LOXHD1: variants seen among roughly 807,000 people sequenced by gnomAD.
LOXHD1 encodes lipoxygenase homology domain-containing protein 1.
In LOXHD1, 205 loss-of-function variants were observed where a neutral mutation model predicts 248.2. The observed-to-expected ratio is 0.83, with a 90% CI of 0.74 to 0.93. The LOEUF (loss-of-function observed/expected upper bound fraction) is 0.93. Ranked by LOEUF, LOXHD1 falls within the 40% of genes least tolerant of loss-of-function variation. LOXHD1 has a pLI of 0.00. For synonymous variants in LOXHD1, 1,113 were observed against 1,162.8 expected (o/e 0.96, Z 0.87); for missense variants, 2,930 against 2,971.6 (o/e 0.99, Z 0.33).
chr18:46,657,171 C>T lies in LOXHD1; in HGVS notation c.-138G>A. The T allele has an allele frequency of 3.6e-6, 5 of 1,407,066 alleles. No individual in the cohort carries two copies. The highest frequency in any genetic ancestry group is 4.8e-6 in the Non-Finnish European group (5 of 1,048,546). The allele number at this position is 1,407,066 out of a possible 1,614,324, so 87.2% of individuals were successfully genotyped here. On this transcript the variant is annotated 5_prime_UTR_variant, in exon 1 of 41. Coordinates refer to ENST00000642948, the MANE Select transcript of LOXHD1 (RefSeq NM_001384474.1). Reference sequence around the variant, plus strand: ...CAGGCCTGGGTGGGCCAGAGTGCCCCGTTTTCTTGGCTTCCCCGTGCCCAA... The same window carrying T: ...CAGGCCTGGGTGGGCCAGAGTGCCCTGTTTTCTTGGCTTCCCCGTGCCCAA...
chr18:46,653,908 A>G (rs2039144716), intron 1 of LOXHD1, among the ~76,000 whole-genome samples: 1 of 152,248 alleles, frequency 6.6e-6, no homozygotes, highest in Non-Finnish European at 1.5e-5. Flanking sequence ...TTTACCTTAT[A>G]GGCATTCTTC....
At chr18:46,624,549 A>C (rs1297091855) in intron 4 of LOXHD1, among the ~76,000 whole-genome samples, 1 of 152,128 alleles carries the variant, frequency 6.6e-6, no homozygotes, top group Non-Finnish European at 1.5e-5. Context: ...TGCTACCCCC[A>C]AAAGGTTTCC....
At chr18:46,492,211 T>C (rs895681877) in intron 37 of LOXHD1, among the ~76,000 whole-genome samples, 15 of 152,250 alleles carry the variant, frequency 9.9e-5, no homozygotes, top group African/African-American at 3.6e-4. Context: ...AGGTACAGCA[T>C]GGCTAACTGA....
At chr18:46,617,421 C>T (rs923487790) in intron 5 of LOXHD1, among the ~76,000 whole-genome samples, 7 of 152,218 alleles carry the variant, frequency 4.6e-5, no homozygotes, top group African/African-American at 1.7e-4. Context: ...GAAAGCTCAT[C>T]CCCTAGATTG....
At chr18:46,481,598 G>A (rs183710787) in intron 40 of LOXHD1, among the ~76,000 whole-genome samples, 294 of 152,316 alleles carry the variant, frequency 1.9e-3, no homozygotes, top group Non-Finnish European at 3.0e-3. Context: ...AGGTGACAGC[G>A]CTAGTATCCA....
chr18:46,486,021 C>T (rs2033021977), intron 38 of LOXHD1, among the ~76,000 whole-genome samples: 1 of 152,058 alleles, frequency 6.6e-6, no homozygotes, highest in Admixed American at 6.5e-5. Context: ...ACCTCCTTCT[C>T]ATCCTTACTC....
chr18:46,502,044 G>T (rs2034264288), intron 37 of LOXHD1, among the ~76,000 whole-genome samples: 1 of 152,102 alleles, frequency 6.6e-6, no homozygotes, highest in Admixed American at 6.5e-5. Flanking sequence ...TTTAAGCAAG[G>T]GATTCTAGAA....
chr18:46,650,781 C>A (rs1342436701), intron 1 of LOXHD1, among the ~76,000 whole-genome samples: 1 of 152,194 alleles, frequency 6.6e-6, no homozygotes, highest in Non-Finnish European at 1.5e-5. Flanking sequence ...TTACAGATAT[C>A]ATTCATACTT....
intron 15 of LOXHD1, among the ~76,000 whole-genome samples, chr18:46,570,607 G>A (rs894201550): frequency 2.0e-5 from 3 of 152,196 alleles, no homozygotes; most frequent in Admixed American, 2.0e-4. Context: ...GCAGAGACTG[G>A]GAAGGAGACC....
rs1436234489 is a variant in LOXHD1, at chr18:46,563,027, G to T, written c.2598+38C>A. On this transcript the variant is annotated intron_variant, in intron 18 of 40. Transcript: ENST00000642948. ...AGGGAAGCATCTTGGTGTCCACTGA[G>T]CCTGCTGTTGGCACCCCCGCTCCTC... 8 of 1,519,216 alleles carry T rather than the reference G, an allele frequency of 5.3e-6. No homozygotes were observed. The East Asian group carries it at 2.0e-4, about 38-fold the overall frequency. 94.1% of individuals were successfully genotyped at this position (1,519,216 alleles called of 1,614,324 possible). A position where few individuals can be genotyped will look rare whatever the true frequency, so the allele number is the denominator to read the frequency against.
At chr18:46,601,124 C>T (rs2038330221) in intron 8 of LOXHD1, 93 bp downstream of exon 8, 1 of 1,453,072 alleles carries the variant, frequency 6.9e-7, no homozygotes, top group East Asian at 2.5e-5. Flanking sequence ...GTAACTAGTT[C>T]AGAGAAGTAG....
intron 5 of LOXHD1, among the ~76,000 whole-genome samples, chr18:46,613,190 T>C (rs536186968): frequency 6.6e-6 from 1 of 152,138 alleles, no homozygotes; most frequent in South Asian, 2.1e-4. Flanking sequence ...CCTGGGAAAA[T>C]TTGCCATATT....
rs142369820 is a variant in LOXHD1, at chr18:46,639,593, G to A, written c.511+23C>T. ...CCAGCCCAGCTAGGGAGGGATGGCA[G>A]GCAGGCCAGCCTAGGCACTGACCTC... On this transcript the variant is annotated intron_variant, in intron 4 of 40. Transcript: ENST00000642948. 6.5e-4 allele frequency: 1,007 copies of A among 1,540,850 alleles called. 7 individuals are homozygous for A. The African/African-American group carries it at 0.011, about 17-fold the overall frequency.
At chr18:46,598,002 C>G (rs1005924282) in intron 8 of LOXHD1, among the ~76,000 whole-genome samples, 1 of 151,308 alleles carries the variant, frequency 6.6e-6, no homozygotes, top group East Asian at 1.9e-4. Context: ...CTCCTGACCT[C>G]GTGATCTGCC....
At chr18:46,550,598 AAAAG>A (rs1174557193) in intron 21 of LOXHD1, among the ~76,000 whole-genome samples, 1 of 149,330 alleles carries the variant, frequency 6.7e-6, no homozygotes, top group East Asian at 2.0e-4. Flanking sequence ...AAAAAAAAAA[AAAAG>A]AGTCAGCGTG....
rs552416806 is a variant in LOXHD1, at chr18:46,478,365, T to A, written c.6342-413A>T. ...CGCCTGGCCGACCCTATTTTTAAGATATATCCAGAACCAGCCCACTTGAAA... is the reference window on the plus strand; with the variant it reads ...CGCCTGGCCGACCCTATTTTTAAGAAATATCCAGAACCAGCCCACTTGAAA... On this transcript the variant is annotated intron_variant, in intron 40 of 40. Transcript: ENST00000642948. Among the ~76,000 whole-genome samples, 6 of 152,236 alleles carry A rather than the reference T, an allele frequency of 3.9e-5. No homozygotes were observed. The South Asian group carries it at 1.2e-3, about 32-fold the overall frequency.
At chr18:46,508,191 C>T (rs1420952787) in intron 35 of LOXHD1, among the ~76,000 whole-genome samples, 1 of 152,116 alleles carries the variant, frequency 6.6e-6, no homozygotes, top group Non-Finnish European at 1.5e-5. Flanking sequence ...GGACAGCTGG[C>T]CTCTGGTAGA....
intron 34 of LOXHD1, among the ~76,000 whole-genome samples, chr18:46,513,213 T>C (rs12607224): frequency 0.063 from 9,537 of 152,348 alleles, 408 homozygotes; most frequent in Non-Finnish European, 0.09. Context: ...ATGTTCATGA[T>C]AAAATGTTTA....
chr18:46,545,623 A>ATTTTTTTTTTTTTTTTTTTTTT (rs1555676193), intron 22 of LOXHD1, among the ~76,000 whole-genome samples: 2 of 86,044 alleles, frequency 2.3e-5, no homozygotes, highest in Non-Finnish European at 4.8e-5. Flanking sequence ...CCTCTTGGCC[A>ATTTTTTTTTTTTTTTTTTTTTT]TTTCTTTTTT....
Sources: gnomAD v4.1 joint callset for allele counts (sites outside exome capture counted in the v4.1 genomes callset) on GRCh38, gnomAD v4.1.1 for gene constraint, MANE v1.5 for transcripts, NCBI Gene and HGNC (gene_info 2026-07-23, HGNC 2026-07-21) for gene names.